Variants in ALDH18A1 observed in about 807,000 individuals in gnomAD.
ALDH18A1 encodes aldehyde dehydrogenase 18 family member A1.
In ALDH18A1, 44 loss-of-function variants were observed where a neutral mutation model predicts 88.8. That is an observed-to-expected ratio of 0.50 (90% CI 0.39 to 0.64). ALDH18A1 has a LOEUF of 0.64. ALDH18A1 is among the 30% of genes least tolerant of loss of function. ALDH18A1 has a pLI of 0.00. For missense variants in ALDH18A1, 782 were observed against 1,009.5 expected (o/e 0.77, Z 3.05); for synonymous variants, 331 against 372.1 (o/e 0.89, Z 1.27).
In ALDH18A1 at chr10:95,653,356, A is replaced by G. The variant is rs2139670118; in HGVS notation, c.22T>C (p.Cys8Arg). The G allele has an allele frequency of 6.2e-7, 1 of 1,613,522 alleles. No individual in the cohort carries two copies. Among genetic ancestry groups the G allele is most frequent in the Non-Finnish European group, 8.5e-7 (1 of 1,179,956 alleles). ...TGTTGGTTGAAGGGCTGGAACCCAC[A>G]GCGGTAAACTTGACTCAACATGCTG... MLSQVYR[C>R]GFQPFNQHLL... The change falls in exon 2 of 18, where the codon TGT (cysteine) becomes CGT (arginine). Residue 8 changes from cysteine (C) to arginine (R), a missense_variant. Coordinates refer to ENST00000371224, the MANE Select transcript of ALDH18A1 (RefSeq NM_002860.4).
intron 11 of ALDH18A1, among the ~76,000 whole-genome samples, chr10:95,623,282 T>C (rs1161672555): frequency 6.6e-6 from 1 of 152,246 alleles, no homozygotes; most frequent in African/African-American, 2.4e-5. Flanking sequence ...AAATATTCCA[T>C]TAATTTGATA....
At chr10:95,619,526 G>A in intron 12 of ALDH18A1, among the ~76,000 whole-genome samples, 1 of 152,156 alleles carries the variant, frequency 6.6e-6, no homozygotes, top group East Asian at 1.9e-4. Context: ...CATGCTACCT[G>A]ACTTCAAACT....
intron 6 of ALDH18A1, among the ~76,000 whole-genome samples, chr10:95,633,290 C>T (rs774186400): frequency 5.3e-5 from 8 of 152,216 alleles, no homozygotes; most frequent in Non-Finnish European, 1.2e-4. Context: ...ATGCTCATCG[C>T]ACCATCTTCA....
intron 17 of ALDH18A1, among the ~76,000 whole-genome samples, chr10:95,609,113 G>T (rs1459827416): frequency 6.6e-6 from 1 of 152,182 alleles, no homozygotes; most frequent in Non-Finnish European, 1.5e-5. Context: ...GGCCTCAGGT[G>T]ATCTGCCCGC....
Position 95,629,465 on chromosome 10 carries a change from C to T in ALDH18A1, c.809-973G>A, listed in dbSNP as rs577950375. On this transcript the variant is annotated intron_variant, in intron 7 of 17. Transcript: ENST00000371224. ...AATCAATGCCCATTGTAGAGCAAAG[C>T]AGTGGCAACTATAAGCAGTGCAAAT... is the stretch of plus-strand genomic sequence containing the variant. Among the ~76,000 whole-genome samples the T allele has an allele frequency of 1.8e-4, 27 of 152,228 alleles. No homozygotes were observed. The South Asian group carries it at 5.4e-3, about 30-fold the overall frequency.
At chr10:95,621,422 C>T (rs1021201826) in intron 11 of ALDH18A1, among the ~76,000 whole-genome samples, 171 bp from the exon 12 acceptor site, 1 of 150,666 alleles carries the variant, frequency 6.6e-6, no homozygotes, top group Admixed American at 6.7e-5. Context: ...TGGGTTCAAG[C>T]GATTCTCCCA....
At chr10:95,648,064 C>A (rs934572742) in intron 2 of ALDH18A1, among the ~76,000 whole-genome samples, 15 of 152,178 alleles carry the variant, frequency 9.9e-5, no homozygotes, top group Admixed American at 7.9e-4. Context: ...ACTGTGGGAA[C>A]CCCAACTTGA....
At chr10:95,656,441 C>A (rs1163794294) in intron 1 of ALDH18A1, 156 bp downstream of exon 1, 1 of 152,268 alleles carries the variant, frequency 6.6e-6, no homozygotes, top group Non-Finnish European at 1.5e-5. Context: ...GAGGCCCACA[C>A]CTACCCATGG....
Position 95,626,731 on chromosome 10 carries a change from C to G in ALDH18A1, c.1124G>C (p.Arg375Thr). 6.2e-7 allele frequency: 1 copy of G among 1,613,994 alleles called. No homozygotes were observed. The highest frequency in any genetic ancestry group is 8.5e-7 in the Non-Finnish European group (1 of 1,179,908). ...QQGEMARSGG[R>T]MLATLEPEQR... ...CTCAGGTTCCAAGGTGGCCAACATC[C>G]TTCCTCCAGATCGCGCCATTTCTCC... The change falls in exon 10 of 18, where the codon AGG (arginine) becomes ACG (threonine). Residue 375 changes from arginine to threonine, a missense_variant. By Grantham distance (71) the Arg-to-Thr change is moderately conservative (BLOSUM62 -1). This residue lies in a region of ALDH18A1 where 556 missense variants were observed against 654.5 expected (regional missense o/e 0.85). Coordinates refer to ENST00000371224, the MANE Select transcript of ALDH18A1 (RefSeq NM_002860.4).
chr10:95,637,523 C>T (rs551803450), intron 3 of ALDH18A1, 87 bp from the exon 4 acceptor site: 29 of 1,500,202 alleles, frequency 1.9e-5, no homozygotes, highest in South Asian at 1.0e-4. Context: ...GGTGGGCTAT[C>T]GAGTAGATCC....
intron 3 of ALDH18A1, among the ~76,000 whole-genome samples, chr10:95,637,784 C>T (rs2097883599): frequency 6.6e-6 from 1 of 152,104 alleles, no homozygotes; most frequent in Non-Finnish European, 1.5e-5. Context: ...ACCCAGGCAA[C>T]ATGGCAAGAC....
At chr10:95,642,541 A>C (rs1170032632) in intron 3 of ALDH18A1, among the ~76,000 whole-genome samples, 2 of 152,066 alleles carry the variant, frequency 1.3e-5, no homozygotes, top group African/African-American at 4.8e-5. Flanking sequence ...CTTGAGCTCG[A>C]TAGGTCCAGG....
At chr10:95,632,180 C>T (rs998363147) in intron 7 of ALDH18A1, among the ~76,000 whole-genome samples, 3 of 152,022 alleles carry the variant, frequency 2.0e-5, no homozygotes, top group Non-Finnish European at 4.4e-5. Context: ...CAGGTTAATC[C>T]ATAGAAACAG....
rs55659918 is a variant in ALDH18A1, at chr10:95,609,769, A to ATTTTTTTTTTTTTTTTTTTTT, written c.2206+427_2206+428insAAAAAAAAAAAAAAAAAAAAA. ...CCTACCTTGCCAGAAGTCTGTCTCT[A>ATTTTTTTTTTTTTTTTTTTTT]TTTTTTTTTTTTTTTTGAGATGGTG... is the stretch of plus-strand genomic sequence containing the variant. On this transcript the variant is annotated intron_variant, in intron 17 of 17. Coordinates refer to ENST00000371224, the MANE Select transcript of ALDH18A1 (RefSeq NM_002860.4). Among the ~76,000 whole-genome samples, 10 of 114,222 alleles carry ATTTTTTTTTTTTTTTTTTTTT rather than the reference A, an allele frequency of 8.8e-5. 2 individuals are homozygous for ATTTTTTTTTTTTTTTTTTTTT. Among genetic ancestry groups the ATTTTTTTTTTTTTTTTTTTTT allele is most frequent in the Non-Finnish European group, 1.2e-4 (7 of 58,704 alleles). The allele number at this position is 114,222 out of a possible 152,430, so 74.9% of individuals were successfully genotyped here.
chr10:95,643,942 G>A lies in ALDH18A1; in HGVS notation c.89-736C>T, dbSNP rs904005434. Among the ~76,000 whole-genome samples, 12 of 152,256 alleles carry A rather than the reference G, an allele frequency of 7.9e-5. No individual in the cohort carries two copies. In the South Asian group the frequency reaches 8.3e-4, roughly 11 times the overall value. ...AAGGATCACCTGAGGTCAGGAGTTC[G>A]AGACCAGCCTGGACAACATGGTGAA... On this transcript the variant is annotated intron_variant, in intron 2 of 17. Coordinates refer to ENST00000371224, the MANE Select transcript of ALDH18A1 (RefSeq NM_002860.4).
At chr10:95,652,169 C>G (rs189832935) in intron 2 of ALDH18A1, among the ~76,000 whole-genome samples, 65 of 152,126 alleles carry the variant, frequency 4.3e-4, no homozygotes, top group Middle Eastern at 3.4e-3. Context: ...TTTATAAGGA[C>G]AAAATTATAA....
At chr10:95,610,365 G>C in intron 16 of ALDH18A1, 73 bp from the exon 17 acceptor site, 1 of 1,480,302 alleles carries the variant, frequency 6.8e-7, no homozygotes, top group Non-Finnish European at 9.4e-7. Context: ...CCATTGACTG[G>C]TGACAGATCA....
At chr10:95,609,837 G>A (rs977476237) in intron 17 of ALDH18A1, among the ~76,000 whole-genome samples, 5 of 134,658 alleles carry the variant, frequency 3.7e-5, no homozygotes, top group African/African-American at 1.1e-4. Flanking sequence ...GCGTAATCTC[G>A]GGCTCACCGC....
Position 95,623,612 on chromosome 10 carries a change from C to G in ALDH18A1, c.1246+1750G>C, listed in dbSNP as rs139534161. On this transcript the variant is annotated intron_variant, in intron 11 of 17. Coordinates refer to ENST00000371224, the MANE Select transcript of ALDH18A1 (RefSeq NM_002860.4). ...TGGAGTTTTGCTCTTGTTGTCCAGA[C>G]TGGAGTGCAGTGGTGCCACCTCGGC... Among the ~76,000 whole-genome samples, 45 of 152,066 alleles carry G rather than the reference C, an allele frequency of 3.0e-4. No individual in the cohort carries two copies. The East Asian group carries it at 7.9e-3, about 27-fold the overall frequency.
Sources: gnomAD v4.1 joint callset for allele counts (sites outside exome capture counted in the v4.1 genomes callset) on GRCh38, gnomAD v4.1.1 for gene constraint, gnomAD v4.1.1 regional missense constraint, MANE v1.5 for transcripts, NCBI Gene and HGNC (gene_info 2026-07-23, HGNC 2026-07-21) for gene names.